Variants in DENND1B observed in about 807,000 individuals in gnomAD.
DENND1B encodes the protein DENN domain containing 1B.
A neutral mutation model predicts 90.1 loss-of-function variants in DENND1B; 59 were observed. That is an observed-to-expected ratio of 0.65 (90% CI 0.53 to 0.81). The LOEUF (loss-of-function observed/expected upper bound fraction) is 0.81. Among genes scored for constraint, DENND1B ranks in the 40% least tolerant of loss-of-function variants. The probability of loss-of-function intolerance (pLI) is 0.00; values close to 1 mark genes in which losing one functional copy is unlikely to be tolerated. For missense variants in DENND1B, 862 were observed against 912.6 expected (o/e 0.94, Z 0.71); for synonymous variants, 337 against 324.6 (o/e 1.04, Z -0.41).
At chr1:197,733,106 C>T (rs1438035689) in intron 2 of DENND1B, among the ~76,000 whole-genome samples, 1 of 152,106 alleles carries the variant, frequency 6.6e-6, no homozygotes, top group Non-Finnish European at 1.5e-5. Flanking sequence ...ATTTTGTACT[C>T]ACACAACAAG....
At position 197,563,849 on chromosome 1, in the gene DENND1B, A is replaced by T. The variant is rs553662778; in HGVS notation, c.1150-10737T>A. 4.6e-5 allele frequency among the ~76,000 whole-genome samples: 7 copies of T among 152,076 alleles called. No homozygotes were observed. The South Asian group carries it at 1.5e-3, about 32-fold the overall frequency. On this transcript the variant is annotated intron_variant, in intron 15 of 22. Transcript: ENST00000620048. ...TTCATAGGAAGAGGTCAAAACAGCAACATTAACAGGAGTTTGGAAAAAGTT... is the reference window on the plus strand; with the variant it reads ...TTCATAGGAAGAGGTCAAAACAGCATCATTAACAGGAGTTTGGAAAAAGTT...
At chr1:197,756,494 T>C (rs1480989827) in intron 2 of DENND1B, among the ~76,000 whole-genome samples, 1 of 148,488 alleles carries the variant, frequency 6.7e-6, no homozygotes, top group Non-Finnish European at 1.5e-5. Context: ...AGAATCTTTT[T>C]GAATCCAGGA....
chr1:197,728,320 T>G (rs745356051), intron 2 of DENND1B, among the ~76,000 whole-genome samples: 1 of 152,216 alleles, frequency 6.6e-6, no homozygotes, highest in Admixed American at 6.5e-5. Context: ...GTTTCAAATA[T>G]TGTTTTAAAC....
At chr1:197,735,873 G>C in intron 2 of DENND1B, 1 of 1,571,040 alleles carries the variant, frequency 6.4e-7, no homozygotes. Flanking sequence ...CAAATTGCAG[G>C]GGGCTATTAC....
At chr1:197,573,929 G>A (rs548347003) in intron 15 of DENND1B, among the ~76,000 whole-genome samples, 1 of 152,134 alleles carries the variant, frequency 6.6e-6, no homozygotes, top group South Asian at 2.1e-4. Flanking sequence ...TCGCAATAAG[G>A]TATTGATGGA....
chr1:197,723,283 A>T (rs1278876600), intron 2 of DENND1B, among the ~76,000 whole-genome samples: 1 of 152,166 alleles, frequency 6.6e-6, no homozygotes, highest in Non-Finnish European at 1.5e-5. Flanking sequence ...TTCCAAACTT[A>T]ACCAAACAGG....
At chr1:197,627,779 C>G (rs922358290) in intron 10 of DENND1B, among the ~76,000 whole-genome samples, 3 of 152,078 alleles carry the variant, frequency 2.0e-5, no homozygotes, top group Admixed American at 1.3e-4. Flanking sequence ...TATAGAAAAC[C>G]CCATTGTCTC....
intron 13 of DENND1B, among the ~76,000 whole-genome samples, chr1:197,603,573 T>C (rs1676400061): frequency 6.6e-6 from 1 of 151,290 alleles, no homozygotes; most frequent in Non-Finnish European, 1.5e-5. Flanking sequence ...TTCTAATACA[T>C]GTAACCTTTT....
intron 10 of DENND1B, among the ~76,000 whole-genome samples, chr1:197,632,170 A>C (rs1048041023): frequency 6.6e-6 from 1 of 152,136 alleles, no homozygotes; most frequent in African/African-American, 2.4e-5. Context: ...TTCTTTTATA[A>C]GGCCACCAGT....
At chr1:197,588,385 T>C (rs976979056) in intron 14 of DENND1B, among the ~76,000 whole-genome samples, 17 of 152,116 alleles carry the variant, frequency 1.1e-4, no homozygotes, top group African/African-American at 3.9e-4. Context: ...AACAAGAAAA[T>C]ACTTAAAACA....
chr1:197,546,221 C>G (rs1484375680), intron 17 of DENND1B, among the ~76,000 whole-genome samples: 1 of 152,118 alleles, frequency 6.6e-6, no homozygotes, highest in Admixed American at 6.5e-5. Context: ...TAATACATCA[C>G]TTAAAAATCA....
intron 10 of DENND1B, among the ~76,000 whole-genome samples, chr1:197,627,438 T>C (rs1297756120): frequency 2.6e-5 from 4 of 152,158 alleles, no homozygotes; most frequent in Non-Finnish European, 5.9e-5. Context: ...CACATGATTA[T>C]CTCAACAGAT....
At chr1:197,656,437 C>T (rs1281727195) in intron 6 of DENND1B, among the ~76,000 whole-genome samples, 1 of 151,948 alleles carries the variant, frequency 6.6e-6, no homozygotes, top group African/African-American at 2.4e-5. Flanking sequence ...AGACAATAGA[C>T]AATTATAAAG....
At chr1:197,624,452 C>T (rs185197614) in intron 10 of DENND1B, among the ~76,000 whole-genome samples, 24 of 151,572 alleles carry the variant, frequency 1.6e-4, no homozygotes, top group African/African-American at 5.6e-4. Context: ...ATGTAAAATG[C>T]AAAACTATAA....
chr1:197,631,717 CAATT>C lies in DENND1B; in HGVS notation c.672+10990_672+10993del, dbSNP rs571852684. Among the ~76,000 whole-genome samples, 78 of 151,450 alleles carry C rather than the reference CAATT, an allele frequency of 5.2e-4. 1 individual carries two copies. Among genetic ancestry groups the C allele is most frequent in the African/African-American group, 1.7e-3 (71 of 41,354 alleles). On this transcript the variant is annotated intron_variant, in intron 10 of 22. Transcript: ENST00000620048. Reference sequence around the variant, plus strand: ...TAATTTGTAATTAAATAAGAATAAACAATTATATATATTTTAATGTTAAAATTAC... The same window carrying C: ...TAATTTGTAATTAAATAAGAATAAACATATATATTTTAATGTTAAAATTAC...
rs1006845960 is a variant in DENND1B, at chr1:197,514,722, GT to G, written c.1516-1770del. Among the ~76,000 whole-genome samples the G allele has an allele frequency of 2.8e-4, 41 of 149,016 alleles. 1 individual carries two copies. The highest frequency in any genetic ancestry group is 2.3e-3 in the Admixed American group (34 of 14,974). ...TGTTTGAAATTTTCAAAATAAAGTT[GT>G]TTTTTTTTAATGGCCCCATCTGTTA... is the stretch of plus-strand genomic sequence containing the variant. On this transcript the variant is annotated intron_variant, in intron 20 of 22. Coordinates refer to ENST00000620048, the MANE Select transcript of DENND1B (RefSeq NM_001195215.2).
intron 16 of DENND1B, among the ~76,000 whole-genome samples, chr1:197,547,378 T>A (rs1370571181): frequency 6.6e-6 from 1 of 152,102 alleles, no homozygotes; most frequent in African/African-American, 2.4e-5. Flanking sequence ...AAAAGATGTA[T>A]CACCTTGCTC....
intron 15 of DENND1B, among the ~76,000 whole-genome samples, chr1:197,572,064 T>C (rs974024030): frequency 2.6e-5 from 4 of 152,102 alleles, no homozygotes. Flanking sequence ...TTGGGACTGG[T>C]TGGGCAGTGG....
rs1406052858 is a variant in DENND1B, at chr1:197,746,908, C to T, written c.82+25960G>A. 8 of 1,598,220 alleles carry T rather than the reference C, an allele frequency of 5.0e-6. No individual in the cohort carries two copies. In the Admixed American group the frequency reaches 1.2e-4, roughly 23 times the overall value. On this transcript the variant is annotated intron_variant, in intron 2 of 22. Transcript: ENST00000620048. Reference sequence around the variant, plus strand: ...CTGCTTTGGCAATCTTTACACCAAGCTCTCGAGTAGCTAGCTGGTTTTTCT... The same window carrying T: ...CTGCTTTGGCAATCTTTACACCAAGTTCTCGAGTAGCTAGCTGGTTTTTCT...
Sources: allele counts gnomAD v4.1 joint callset (sites outside exome capture counted in the v4.1 genomes callset), GRCh38; gene constraint gnomAD v4.1.1; transcripts MANE v1.5; gene names NCBI Gene and HGNC (gene_info 2026-07-23, HGNC 2026-07-21).